ERC1: variants seen among roughly 807,000 people sequenced by gnomAD.
ERC1 encodes the protein RAB6 interacting protein 2.
A neutral mutation model predicts 132.0 loss-of-function variants in ERC1; 56 were observed. The observed-to-expected ratio is 0.42, with a 90% CI of 0.34 to 0.53. The LOEUF (loss-of-function observed/expected upper bound fraction) is 0.53. ERC1 is among the 20% of genes least tolerant of loss of function. The probability of loss-of-function intolerance (pLI) is 0.03; values close to 1 mark genes in which losing one functional copy is unlikely to be tolerated. For synonymous variants in ERC1, 478 were observed against 476.1 expected, an observed-to-expected ratio of 1.00 and a Z score of -0.05; for missense variants, 1,202 against 1,349.9, an observed-to-expected ratio of 0.89 and a Z score of 1.72.
At chr12:1,250,846 T>C (rs1043731473) in intron 13 of ERC1, among the ~76,000 whole-genome samples, 3 of 152,162 alleles carry the variant, frequency 2.0e-5, no homozygotes, top group African/African-American at 4.8e-5. Flanking sequence ...ATAACAAAGA[T>C]AAGTATCTGA....
intron 17 of ERC1, among the ~76,000 whole-genome samples, chr12:1,440,218 T>TCC (rs1555094406): frequency 2.8e-5 from 4 of 143,630 alleles, no homozygotes; most frequent in African/African-American, 8.3e-5. Context: ...TTTTTTTTTT[T>TCC]CCTTGAGACA....
rs1018738381 is a variant in ERC1, at chr12:1,004,494, C to T, written c.-157+13172C>T. On this transcript the variant is annotated intron_variant, in intron 1 of 18. Transcript: ENST00000360905. ...TGATCTCGGCTCACTGCAACCTCCGCCTCCTGGGTTCAGACAATTCTCCTG... is the reference window on the plus strand; with the variant it reads ...TGATCTCGGCTCACTGCAACCTCCGTCTCCTGGGTTCAGACAATTCTCCTG... Among the ~76,000 whole-genome samples, 3 of 149,862 alleles carry T rather than the reference C, an allele frequency of 2.0e-5. No homozygotes were observed. In the Admixed American group the frequency reaches 2.0e-4, roughly 10 times the overall value.
intron 18 of ERC1, among the ~76,000 whole-genome samples, chr12:1,451,939 TAC>T (rs914953872): frequency 1.3e-5 from 2 of 152,060 alleles, no homozygotes; most frequent in African/African-American, 2.4e-5. Context: ...CACACCAGGG[TAC>T]ACACACACAG....
intron 2 of ERC1, among the ~76,000 whole-genome samples, chr12:1,053,656 A>T (rs1972430530): frequency 6.6e-6 from 1 of 151,724 alleles, no homozygotes; most frequent in African/African-American, 2.4e-5. Context: ...GTCTTTCTAG[A>T]CTCTTCTATT....
chr12:1,289,532 T>C (rs1387917475), intron 14 of ERC1, among the ~76,000 whole-genome samples: 2 of 152,174 alleles, frequency 1.3e-5, no homozygotes, highest in Non-Finnish European at 2.9e-5. Flanking sequence ...TGGAAATTTC[T>C]GGGTCATTTC....
In ERC1 at chr12:1,167,914, G is replaced by C. The variant is rs111638614; in HGVS notation, c.1738-12626G>C. On this transcript the variant is annotated intron_variant, in intron 8 of 18. Transcript: ENST00000360905. The stretch of plus-strand genomic sequence containing the variant: ...TATTTTTACTGCAGACGGGGTTTCA[G>C]CATGTTGGCCAGGATGCTCTCGATC... 4.3e-3 allele frequency among the ~76,000 whole-genome samples: 650 copies of C among 151,800 alleles called. 2 individuals carry two copies. Among genetic ancestry groups the C allele is most frequent in the African/African-American group, 0.015 (606 of 41,410 alleles).
At chr12:1,203,751 A>G (rs2154286538) in intron 12 of ERC1, among the ~76,000 whole-genome samples, 1 of 152,368 alleles carries the variant, frequency 6.6e-6, no homozygotes, top group South Asian at 2.1e-4. Flanking sequence ...TTGTTGTTGT[A>G]AAAGACAGTA....
chr12:1,389,596 A>G (rs894473542), intron 16 of ERC1, among the ~76,000 whole-genome samples: 2 of 152,162 alleles, frequency 1.3e-5, no homozygotes, highest in Non-Finnish European at 2.9e-5. Flanking sequence ...CATGTCTTAC[A>G]TGTGTTGAAA....
rs894902396 is a variant in ERC1, at chr12:1,494,257, C to G, written c.*4027C>G. 4.3e-6 allele frequency: 1 copy of G among 232,168 alleles called. No individual in the cohort carries two copies. Among genetic ancestry groups the G allele is most frequent in the African/African-American group, 2.2e-5 (1 of 45,278 alleles). 14.4% of individuals were successfully genotyped at this position (232,168 alleles called of 1,614,324 possible). On this transcript the variant is annotated 3_prime_UTR_variant, in exon 19 of 19. Coordinates refer to ENST00000360905, the MANE Select transcript of ERC1 (RefSeq NM_178040.4). ...AGAAGAGACTGCAATGCAGCAGGCA[C>G]CCTCTGCAGAGTGAGGCCGCCCGTC...
At chr12:1,327,399 T>C (rs1438803169) in intron 15 of ERC1, among the ~76,000 whole-genome samples, 1 of 152,210 alleles carries the variant, frequency 6.6e-6, no homozygotes, top group Non-Finnish European at 1.5e-5. Context: ...AGGTCTTTTA[T>C]TCCCATGATT....
chr12:1,153,301 C>G (rs1000913204), intron 8 of ERC1, among the ~76,000 whole-genome samples: 6 of 152,254 alleles, frequency 3.9e-5, no homozygotes, highest in African/African-American at 9.6e-5. Flanking sequence ...TAGGCACATG[C>G]TGAATATGTT....
At chr12:1,452,155 A>G (rs1469757544) in intron 18 of ERC1, among the ~76,000 whole-genome samples, 1 of 152,056 alleles carries the variant, frequency 6.6e-6, no homozygotes, top group Non-Finnish European at 1.5e-5. Context: ...CTTGTTTTTG[A>G]GATGTTCTCT....
chr12:1,232,334 G>T (rs916675552), intron 12 of ERC1, among the ~76,000 whole-genome samples: 1 of 152,190 alleles, frequency 6.6e-6, no homozygotes, highest in African/African-American at 2.4e-5. Flanking sequence ...GAATCTAGAT[G>T]TCTGTATTTC....
intron 17 of ERC1, chr12:1,443,239 T>C (rs1264380412): frequency 6.6e-6 from 1 of 152,232 alleles, no homozygotes. Flanking sequence ...AAAAGTCTTA[T>C]TTCCTTTATA....
At chr12:1,224,869 T>C (rs1312497148) in intron 12 of ERC1, among the ~76,000 whole-genome samples, 7 of 151,942 alleles carry the variant, frequency 4.6e-5, no homozygotes, top group Non-Finnish European at 8.8e-5. Flanking sequence ...CATACGTCTA[T>C]AGTCCCGGCT....
chr12:1,436,071 T>G (rs539713819), intron 17 of ERC1, among the ~76,000 whole-genome samples: 35 of 152,250 alleles, frequency 2.3e-4, no homozygotes, highest in African/African-American at 7.7e-4. Flanking sequence ...TGTGTTTGGT[T>G]TGACGCTAGA....
intron 17 of ERC1, among the ~76,000 whole-genome samples, chr12:1,440,401 T>G: frequency 6.6e-6 from 1 of 150,524 alleles, no homozygotes; most frequent in Non-Finnish European, 1.5e-5. Flanking sequence ...AGAGACGGGG[T>G]TTCACCGTGT....
intron 15 of ERC1, among the ~76,000 whole-genome samples, chr12:1,339,189 G>A (rs890462441): frequency 6.8e-6 from 1 of 147,244 alleles, no homozygotes; most frequent in African/African-American, 2.5e-5. Flanking sequence ...CAGGGTGCCC[G>A]CCCCCATGTA....
intron 8 of ERC1, among the ~76,000 whole-genome samples, chr12:1,149,443 G>A (rs1363159314): frequency 6.6e-6 from 1 of 152,154 alleles, no homozygotes; most frequent in African/African-American, 2.4e-5. Flanking sequence ...GTGTTGCCCA[G>A]GCTGGAATGC....
Sources: allele counts gnomAD v4.1 joint callset (sites outside exome capture counted in the v4.1 genomes callset), GRCh38; gene constraint gnomAD v4.1.1; transcripts MANE v1.5; gene names NCBI Gene and HGNC (gene_info 2026-07-23, HGNC 2026-07-21).